Variants in CEP164 observed in about 807,000 individuals in gnomAD.
The protein encoded by CEP164 is centrosomal protein of 164 kDa.
In CEP164, 162 loss-of-function variants were observed where a neutral mutation model predicts 182.7. The observed-to-expected ratio is 0.89, with a 90% CI of 0.78 to 1.01. CEP164 has a LOEUF of 1.01. Ranked by LOEUF, CEP164 falls within the 50% of genes least tolerant of loss-of-function variation. The pLI is 0.00. For missense variants in CEP164, 1,735 were observed against 1,790.4 expected (o/e 0.97, Z 0.56); for synonymous variants, 661 against 690.0 (o/e 0.96, Z 0.66).
At chr11:117,371,034 C>T (rs745726662) in intron 8 of CEP164, 46 bp from the exon 9 acceptor site, 1 of 1,519,898 alleles carries the variant, frequency 6.6e-7, no homozygotes, top group Non-Finnish European at 8.8e-7. Context: ...ACTCCTTTTG[C>T]ACATTCCTTT....
chr11:117,338,666 A>G lies in CEP164; in HGVS notation c.80A>G (p.Gln27Arg). ...GATGAGACCTACATTCCTAGTGAGC[A>G]AGGTAACAAGTCTGTGAAGAGGCCT... ...DYDETYIPSE[Q>R]EILEFAREIG... The change falls in exon 3 of 33, where the codon CAA (glutamine) becomes CGA (arginine). Residue 27 changes from glutamine (Q) to arginine (R), a missense_variant and splice_region_variant. Transcript: ENST00000278935. 1 of 1,611,304 alleles carries G rather than the reference A, an allele frequency of 6.2e-7. No homozygotes were observed. The highest frequency in any genetic ancestry group is 2.2e-5 in the East Asian group (1 of 44,882).
chr11:117,339,528 T>G (rs76730001), intron 3 of CEP164, among the ~76,000 whole-genome samples: 9 of 126,436 alleles, frequency 7.1e-5, no homozygotes, highest in Non-Finnish European at 1.0e-4. Context: ...TTTTGTTTTT[T>G]TTTTTTTTTT....
chr11:117,409,543 A>G lies in CEP164; in HGVS notation c.3749-75A>G. 9.4e-6 allele frequency: 13 copies of G among 1,377,844 alleles called. 1 individual carries two copies. The highest frequency in any genetic ancestry group is 2.6e-5 in the South Asian group (2 of 75,790). The allele number at this position is 1,377,844 out of a possible 1,614,324, so 85.4% of individuals were successfully genotyped here. Reference sequence around the variant, plus strand: ...GGAGGGGTGGCCAGTAGGGTCCTCCATGACAGCTGTGTCTGGGAATGGTCC... The same window carrying G: ...GGAGGGGTGGCCAGTAGGGTCCTCCGTGACAGCTGTGTCTGGGAATGGTCC... On this transcript the variant is annotated intron_variant, in intron 29 of 32. Coordinates refer to ENST00000278935, the MANE Select transcript of CEP164 (RefSeq NM_014956.5). The surrounding 1 kb of genome is among the most constrained non-coding windows in gnomAD (Gnocchi z 4.4).
intron 11 of CEP164, among the ~76,000 whole-genome samples, chr11:117,376,777 T>C (rs1267878696): frequency 6.6e-6 from 1 of 152,210 alleles, no homozygotes; most frequent in African/African-American, 2.4e-5. Flanking sequence ...TCATCCTGTT[T>C]GCAGTGCTAA....
rs1239738006 is a variant in CEP164, at chr11:117,411,197, C to T, written c.4163+303C>T. 4 of 368,886 alleles carry T rather than the reference C, an allele frequency of 1.1e-5. No individual in the cohort carries two copies. In the South Asian group the frequency reaches 1.2e-4, roughly 11 times the overall value. The allele number at this position is 368,886 out of a possible 1,614,324, so 22.9% of individuals were successfully genotyped here. A position where few individuals can be genotyped will look rare whatever the true frequency, so the allele number is the denominator to read the frequency against. On this transcript the variant is annotated intron_variant, in intron 31 of 32. Coordinates refer to ENST00000278935, the MANE Select transcript of CEP164 (RefSeq NM_014956.5). The surrounding 1 kb of genome is among the most constrained non-coding windows in gnomAD (Gnocchi z 4.4). ...GGAGGAGTCAGCCCCTGGTGGGACCCTGCCCCCGCCCCTCCCTCTAGCCCC... is the reference window on the plus strand; with the variant it reads ...GGAGGAGTCAGCCCCTGGTGGGACCTTGCCCCCGCCCCTCCCTCTAGCCCC...
intron 6 of CEP164, 44 bp from the exon 7 acceptor site, chr11:117,362,360 G>A (rs1368516500): frequency 1.3e-6 from 2 of 1,590,886 alleles, no homozygotes; most frequent in Non-Finnish European, 1.7e-6. Flanking sequence ...TCATTCCAAA[G>A]GTCTTCCAAG....
chr11:117,394,579 G>C lies in CEP164; in HGVS notation c.2760+86G>C. 3.3e-6 allele frequency: 5 copies of C among 1,511,928 alleles called. No homozygotes were observed. The highest frequency in any genetic ancestry group is 4.5e-6 in the Non-Finnish European group (5 of 1,119,114). 93.7% of individuals were successfully genotyped at this position (1,511,928 alleles called of 1,614,324 possible). A position where few individuals can be genotyped will look rare whatever the true frequency, so the allele number is the denominator to read the frequency against. On this transcript the variant is annotated intron_variant, in intron 21 of 32. Transcript: ENST00000278935. The surrounding 1 kb of genome is among the most constrained non-coding windows in gnomAD (Gnocchi z 4.0). ...TGGGAGCAGACGCATGGCCCCAGCAGGATGCAGCCTGACAGCTTCTGGAGT... is the reference window on the plus strand; with the variant it reads ...TGGGAGCAGACGCATGGCCCCAGCACGATGCAGCCTGACAGCTTCTGGAGT...
chr11:117,364,893 CA>C (rs2041446625), intron 8 of CEP164, among the ~76,000 whole-genome samples: 1 of 152,198 alleles, frequency 6.6e-6, no homozygotes, highest in African/African-American at 2.4e-5. Context: ...TATGACTTTA[CA>C]ATTTCTTGCC....
In CEP164 at chr11:117,409,230, C is replaced by A; in HGVS notation, c.3748+202C>A. 1 of 680,852 alleles carries A rather than the reference C, an allele frequency of 1.5e-6. No individual in the cohort carries two copies. Among genetic ancestry groups the A allele is most frequent in the Non-Finnish European group, 2.4e-6 (1 of 408,412 alleles). 42.2% of individuals were successfully genotyped at this position (680,852 alleles called of 1,614,324 possible). A position where few individuals can be genotyped will look rare whatever the true frequency, so the allele number is the denominator to read the frequency against. On this transcript the variant is annotated intron_variant, in intron 29 of 32. Coordinates refer to ENST00000278935, the MANE Select transcript of CEP164 (RefSeq NM_014956.5). This position sits in a 1 kb window ranked among gnomAD's most constrained non-coding sequence, Gnocchi z 4.4. ...ACGTGGGGCTGAAAGGTCAGGGAAG[C>A]CCTCTGAATGCTGCAGAGCACTCTA... is the stretch of plus-strand genomic sequence containing the variant.
At chr11:117,337,171 A>G (rs542134057) in intron 2 of CEP164, among the ~76,000 whole-genome samples, 2 of 152,244 alleles carry the variant, frequency 1.3e-5, no homozygotes, top group East Asian at 1.9e-4. Flanking sequence ...TCTGGAAGCT[A>G]GAAGGCCCAT....
In CEP164 at chr11:117,339,622, G is replaced by A. The variant is rs12221726; in HGVS notation, c.82+954G>A. Among the ~76,000 whole-genome samples, 169 of 146,270 alleles carry A rather than the reference G, an allele frequency of 1.2e-3. 5 individuals are homozygous for A. In the East Asian group the frequency reaches 0.032, roughly 28 times the overall value. ...TGGCTCACTGCAACCTCTCTCTCCC[G>A]GGTTCAAGCGAATCTCATGCCTCAG... On this transcript the variant is annotated intron_variant, in intron 3 of 32. Transcript: ENST00000278935.
At chr11:117,397,390 C>T in intron 27 of CEP164, 77 bp downstream of exon 27, 2 of 1,378,668 alleles carry the variant, frequency 1.5e-6, no homozygotes, top group Non-Finnish European at 2.0e-6. Context: ...CCTTTGGGCT[C>T]CCCCTCAGTT....
chr11:117,330,584 G>C (rs190659085), intron 1 of CEP164, among the ~76,000 whole-genome samples: 1 of 152,198 alleles, frequency 6.6e-6, no homozygotes, highest in Non-Finnish European at 1.5e-5. Context: ...GGGAGGCAGA[G>C]GCTGCAGTGA....
chr11:117,321,984 C>G (rs992186042), intron 1 of CEP164, among the ~76,000 whole-genome samples: 1 of 152,136 alleles, frequency 6.6e-6, no homozygotes, highest in Non-Finnish European at 1.5e-5. Context: ...AGATGTGAGC[C>G]ATTGCTCTCG....
intron 28 of CEP164, chr11:117,408,613 G>A: frequency 2.3e-6 from 1 of 440,674 alleles, no homozygotes; most frequent in East Asian, 4.2e-5. Context: ...GTACCTGGTG[G>A]AACTCTGGGC....
At chr11:117,410,338 A>T (rs990712062) in intron 30 of CEP164, 3 of 331,530 alleles carry the variant, frequency 9.0e-6, no homozygotes, top group East Asian at 6.7e-5. Context: ...GTTTATATAT[A>T]TTTTTTCATT....
In CEP164 at chr11:117,368,404, C is replaced by A. The variant is rs1277258491; in HGVS notation, c.766-2676C>A. Reference sequence around the variant, plus strand: ...GTGAGCCATGAGAGGCAGGCAGGAGCTGGGCCTTAAGGGCTGTGGGCCAAG... The same window carrying A: ...GTGAGCCATGAGAGGCAGGCAGGAGATGGGCCTTAAGGGCTGTGGGCCAAG... On this transcript the variant is annotated intron_variant, in intron 8 of 32. Transcript: ENST00000278935. 7.2e-5 allele frequency among the ~76,000 whole-genome samples: 11 copies of A among 152,178 alleles called. No individual in the cohort carries two copies. In the East Asian group the frequency reaches 1.7e-3, roughly 24 times the overall value.
intron 2 of CEP164, chr11:117,336,108 C>A: frequency 6.6e-7 from 1 of 1,505,028 alleles, no homozygotes; most frequent in Non-Finnish European, 8.9e-7. Flanking sequence ...GGGGGGAGCA[C>A]AAGGGCTACT....
intron 5 of CEP164, among the ~76,000 whole-genome samples, chr11:117,358,943 G>C (rs2040616796): frequency 6.8e-6 from 1 of 146,424 alleles, no homozygotes; most frequent in East Asian, 2.0e-4. Context: ...ACTTTGGGCA[G>C]GGTTCTTTTT....
Sources: gnomAD v4.1 joint callset for allele counts (sites outside exome capture counted in the v4.1 genomes callset) on GRCh38, gnomAD v4.1.1 for gene constraint, Gnocchi (gnomAD v3.1) non-coding constraint, MANE v1.5 for transcripts, NCBI Gene and HGNC (gene_info 2026-07-23, HGNC 2026-07-21) for gene names.